The following GRIA1 variants were observed in gnomAD, a reference collection of about 807,000 sequenced individuals.
GRIA1 encodes glutamate ionotropic receptor AMPA type subunit 1, also known as glutamate receptor 1.
In GRIA1, 31 loss-of-function variants were observed where a neutral mutation model predicts 99.2. The ratio of observed to expected loss-of-function variants is 0.31; its 90% CI spans 0.23 to 0.42. GRIA1 has a LOEUF of 0.42. Among genes scored for constraint, GRIA1 ranks in the 10% least tolerant of loss-of-function variants. GRIA1 has a pLI of 1.00. For synonymous variants in GRIA1, 438 were observed against 432.4 expected, an observed-to-expected ratio of 1.01 and a Z score of -0.16; for missense variants, 782 against 1,157.5, an observed-to-expected ratio of 0.68 and a Z score of 4.71.
At chr5:153,553,529 T>G (rs903674125) in intron 2 of GRIA1, among the ~76,000 whole-genome samples, 3 of 152,188 alleles carry the variant, frequency 2.0e-5, no homozygotes, top group Non-Finnish European at 2.9e-5. Context: ...CTTACATTAC[T>G]TCTCCACTGA....
intron 5 of GRIA1, among the ~76,000 whole-genome samples, chr5:153,656,106 C>T (rs369145568): frequency 1.4e-4 from 21 of 152,242 alleles, no homozygotes; most frequent in Middle Eastern, 3.4e-3. Flanking sequence ...CTGGTGGGCA[C>T]GGCTTTATCA....
chr5:153,737,578 C>T (rs56962377), intron 11 of GRIA1, among the ~76,000 whole-genome samples: 3,064 of 152,292 alleles, frequency 0.02, 98 homozygotes, highest in African/African-American at 0.068. Flanking sequence ...CTCTCAGCCT[C>T]AGCCTGGTTT....
chr5:153,678,835 A>T (rs1756773490), intron 7 of GRIA1, among the ~76,000 whole-genome samples: 1 of 152,240 alleles, frequency 6.6e-6, no homozygotes, highest in South Asian at 2.1e-4. Context: ...CTCCACGTCC[A>T]GCTGGGCCCC....
chr5:153,802,837 G>C (rs1766144927), intron 15 of GRIA1, among the ~76,000 whole-genome samples: 1 of 152,180 alleles, frequency 6.6e-6, no homozygotes, highest in Admixed American at 6.5e-5. Context: ...TCAGAAGTGT[G>C]GCTGCAAAAG....
At chr5:153,523,880 G>T (rs920913409) in intron 2 of GRIA1, among the ~76,000 whole-genome samples, 2 of 152,186 alleles carry the variant, frequency 1.3e-5, no homozygotes, top group Non-Finnish European at 2.9e-5. Flanking sequence ...CTGCATGCTA[G>T]TTTTCTCCAA....
At chr5:153,683,073 T>C (rs1440869849) in intron 7 of GRIA1, among the ~76,000 whole-genome samples, 1 of 152,166 alleles carries the variant, frequency 6.6e-6, no homozygotes, top group Non-Finnish European at 1.5e-5. Flanking sequence ...CTGGGCTCCA[T>C]CAATCTGACC....
In GRIA1 at chr5:153,806,257, T is replaced by C. The variant is rs1332526502; in HGVS notation, c.2520+3767T>C. Reference sequence around the variant, plus strand: ...TTTGGTCCACTCTTTTTTTTCTTTATTTTTTCATTTTATTTTATTTTATTT... The same window carrying C: ...TTTGGTCCACTCTTTTTTTTCTTTACTTTTTCATTTTATTTTATTTTATTT... On this transcript the variant is annotated intron_variant, in intron 15 of 15. Coordinates refer to ENST00000285900, the MANE Select transcript of GRIA1 (RefSeq NM_000827.4). Among the ~76,000 whole-genome samples the C allele has an allele frequency of 2.0e-5, 3 of 152,128 alleles. No homozygotes were observed. The East Asian group carries it at 5.8e-4, about 29-fold the overall frequency.
chr5:153,685,863 A>G (rs1757302233), intron 7 of GRIA1, among the ~76,000 whole-genome samples: 1 of 152,014 alleles, frequency 6.6e-6, no homozygotes, highest in Non-Finnish European at 1.5e-5. Flanking sequence ...GGCCCCCCAT[A>G]CTTTCTTCAT....
intron 2 of GRIA1, among the ~76,000 whole-genome samples, chr5:153,592,873 G>T (rs957509916): frequency 6.6e-6 from 1 of 152,200 alleles, no homozygotes; most frequent in Non-Finnish European, 1.5e-5. Flanking sequence ...CCTTCTTGCT[G>T]CATCTTTGCA....
chr5:153,491,024 T>C (rs1385880754), intron 1 of GRIA1, 54 bp downstream of exon 1: 1 of 1,530,314 alleles, frequency 6.5e-7, no homozygotes, highest in Non-Finnish European at 9.1e-7. Flanking sequence ...CAGGGATTTT[T>C]TTGGGGATAG....
chr5:153,533,932 T>C (rs1332595776), intron 2 of GRIA1, among the ~76,000 whole-genome samples: 1 of 152,202 alleles, frequency 6.6e-6, no homozygotes, highest in African/African-American at 2.4e-5. Context: ...TGGTCACCTA[T>C]GTGAAAAAAG....
At chr5:153,782,410 C>T (rs1226384808) in intron 13 of GRIA1, among the ~76,000 whole-genome samples, 6 of 152,256 alleles carry the variant, frequency 3.9e-5, no homozygotes, top group South Asian at 2.1e-4. Flanking sequence ...CTTATCTAGA[C>T]GGGACAGTCT....
At chr5:153,572,524 G>A (rs978579871) in intron 2 of GRIA1, among the ~76,000 whole-genome samples, 4 of 152,166 alleles carry the variant, frequency 2.6e-5, no homozygotes, top group African/African-American at 9.7e-5. Context: ...GTTCAGCTGG[G>A]AAGAATGCCA....
Position 153,650,419 on chromosome 5 carries a change from G to A in GRIA1, c.550G>A (p.Gly184Arg), listed in dbSNP as rs1240254406. Residue 184 changes from glycine to arginine, a missense_variant, in exon 4 of 16, where the codon GGA (glycine) becomes AGA (arginine). This residue lies in a region of GRIA1 where 461 missense variants were observed against 521.7 expected (regional missense o/e 0.88). Coordinates refer to ENST00000285900, the MANE Select transcript of GRIA1 (RefSeq NM_000827.4). ...AVNILTTTEE[G>R]YRMLFQDLEK... ...CAACATTTTGACAACCACAGAGGAG[G>A]GATACCGGATGCTCTTTCAGGACCT... The A allele has an allele frequency of 6.2e-7, 1 of 1,614,044 alleles. No homozygotes were observed.
At chr5:153,776,273 A>G (rs1028291901) in intron 13 of GRIA1, among the ~76,000 whole-genome samples, 3 of 152,198 alleles carry the variant, frequency 2.0e-5, no homozygotes, top group Non-Finnish European at 4.4e-5. Context: ...CACTAGTCAT[A>G]TCCTTCACTT....
Position 153,768,984 on chromosome 5 carries a change from G to A in GRIA1, c.2023-1184G>A, listed in dbSNP as rs1035151423. The stretch of plus-strand genomic sequence containing the variant: ...AAGTTTGATCATGGTCCTGGATCAT[G>A]GGCCCTGACTAAGGGCCTACCATGT... On this transcript the variant is annotated intron_variant, in intron 12 of 15. Coordinates refer to ENST00000285900, the MANE Select transcript of GRIA1 (RefSeq NM_000827.4). Among the ~76,000 whole-genome samples, 3 of 152,168 alleles carry A rather than the reference G, an allele frequency of 2.0e-5. No homozygotes were observed. The East Asian group carries it at 5.8e-4, about 29-fold the overall frequency.
chr5:153,511,653 C>G (rs1756086673), intron 2 of GRIA1, among the ~76,000 whole-genome samples: 1 of 152,164 alleles, frequency 6.6e-6, no homozygotes. Context: ...TATGGTGAAA[C>G]TAAGGCTGAG....
intron 10 of GRIA1, among the ~76,000 whole-genome samples, chr5:153,705,426 A>C (rs1758819343): frequency 6.6e-6 from 1 of 152,128 alleles, no homozygotes; most frequent in Non-Finnish European, 1.5e-5. Context: ...CAGATACCAC[A>C]ACAGCTTCCT....
At chr5:153,581,861 T>G (rs111270294) in intron 2 of GRIA1, among the ~76,000 whole-genome samples, 15,234 of 151,796 alleles carry the variant, frequency 0.1, 899 homozygotes, top group South Asian at 0.25. Context: ...AGGTTCAACC[T>G]ATTCTCCTGC....
Sources: gnomAD v4.1 joint callset for allele counts (sites outside exome capture counted in the v4.1 genomes callset) on GRCh38, gnomAD v4.1.1 for gene constraint, gnomAD v4.1.1 regional missense constraint, MANE v1.5 for transcripts, NCBI Gene and HGNC (gene_info 2026-07-23, HGNC 2026-07-21) for gene names.